The following CALN1 variants were observed in gnomAD, a reference collection of about 807,000 sequenced individuals.
CALN1 encodes calneuron 1, also known as calcium-binding protein 8.
Under a neutral mutation model 30.6 loss-of-function variants are expected in CALN1, and 17 were observed. The observed-to-expected ratio is 0.56, with a 90% CI of 0.38 to 0.83. The LOEUF is 0.83. CALN1 is among the 40% of genes least tolerant of loss of function. The probability of loss-of-function intolerance (pLI) is 0.00; values close to 1 mark genes in which losing one functional copy is unlikely to be tolerated. For synonymous variants in CALN1, 156 were observed against 131.4 expected (o/e 1.19, Z -1.28); for missense variants, 291 against 354.9 (o/e 0.82, Z 1.45).
At chr7:72,314,864 T>C (rs1280051916) in intron 2 of CALN1, among the ~76,000 whole-genome samples, 1 of 147,346 alleles carries the variant, frequency 6.8e-6, no homozygotes, top group African/African-American at 2.5e-5. Context: ...AAAAAAACTA[T>C]AGGCTGGGCA....
chr7:71,818,668 CTTATT>C (rs1176015670), intron 5 of CALN1, among the ~76,000 whole-genome samples: 5 of 145,922 alleles, frequency 3.4e-5, no homozygotes, highest in African/African-American at 1.3e-4. Flanking sequence ...CCATGACCAG[CTTATT>C]TTATTTATTT....
chr7:71,997,016 C>T (rs1049856572), intron 5 of CALN1, among the ~76,000 whole-genome samples: 1 of 151,950 alleles, frequency 6.6e-6, no homozygotes, highest in African/African-American at 2.4e-5. Context: ...TTGCTTGAGG[C>T]CAGGAGTTCA....
intron 5 of CALN1, among the ~76,000 whole-genome samples, chr7:71,893,803 T>A (rs1793387710): frequency 6.6e-6 from 1 of 152,078 alleles, no homozygotes; most frequent in Admixed American, 6.6e-5. Flanking sequence ...CCTCTGAGCC[T>A]CTTTAGTTCT....
chr7:72,049,731 C>T (rs1254917251), intron 4 of CALN1, among the ~76,000 whole-genome samples: 1 of 151,886 alleles, frequency 6.6e-6, no homozygotes. Context: ...TGGTCTCGAA[C>T]TCCTGACCTC....
At chr7:71,997,902 ACT>A (rs1799332329) in intron 5 of CALN1, among the ~76,000 whole-genome samples, 1 of 151,750 alleles carries the variant, frequency 6.6e-6, no homozygotes, top group Non-Finnish European at 1.5e-5. Context: ...CTCACTGCAA[ACT>A]CTGCCTCCAG....
intron 4 of CALN1, among the ~76,000 whole-genome samples, chr7:72,087,687 G>T (rs775259253): frequency 1.1e-4 from 16 of 152,132 alleles, no homozygotes; most frequent in Admixed American, 9.8e-4. Flanking sequence ...ATATATGTAT[G>T]AGAATATAAA....
At chr7:72,060,475 C>T (rs570548956) in intron 4 of CALN1, among the ~76,000 whole-genome samples, 36 of 152,156 alleles carry the variant, frequency 2.4e-4, no homozygotes, top group Admixed American at 3.9e-4. Flanking sequence ...GCAAAGCTAC[C>T]CCGCCATTTT....
chr7:72,109,867 T>TC (rs1807438753), intron 3 of CALN1, among the ~76,000 whole-genome samples: 1 of 147,090 alleles, frequency 6.8e-6, no homozygotes, highest in East Asian at 2.3e-4. Context: ...AGCCTCAATT[T>TC]CCCCATCTGA....
At chr7:71,996,342 C>T (rs1799251171) in intron 5 of CALN1, among the ~76,000 whole-genome samples, 1 of 152,176 alleles carries the variant, frequency 6.6e-6, no homozygotes, top group African/African-American at 2.4e-5. Context: ...TAACTGACTT[C>T]AATACTGAGA....
At chr7:71,871,231 A>G (rs998755373) in intron 5 of CALN1, among the ~76,000 whole-genome samples, 1 of 152,168 alleles carries the variant, frequency 6.6e-6, no homozygotes, top group Non-Finnish European at 1.5e-5. Context: ...CATAAATTAT[A>G]CAGGATACAT....
chr7:72,326,367 G>A (rs1340880474), intron 2 of CALN1, among the ~76,000 whole-genome samples: 1 of 152,210 alleles, frequency 6.6e-6, no homozygotes, highest in Non-Finnish European at 1.5e-5. Flanking sequence ...ACATCTCTGT[G>A]ACCTGGCTAC....
chr7:72,091,633 T>C (rs1228055279), intron 4 of CALN1, among the ~76,000 whole-genome samples: 1 of 152,216 alleles, frequency 6.6e-6, no homozygotes, highest in Non-Finnish European at 1.5e-5. Flanking sequence ...ATTGCTGGTC[T>C]GTATAGGTAG....
At chr7:72,069,662 C>T (rs939081435) in intron 4 of CALN1, among the ~76,000 whole-genome samples, 27 of 152,036 alleles carry the variant, frequency 1.8e-4, no homozygotes, top group Admixed American at 3.3e-4. Flanking sequence ...AGGATAATCT[C>T]CCCCCAAATC....
chr7:72,361,901 C>CA (rs1430214079), intron 2 of CALN1, among the ~76,000 whole-genome samples: 3 of 151,954 alleles, frequency 2.0e-5, no homozygotes, highest in African/African-American at 7.2e-5. Flanking sequence ...ATATCCATTA[C>CA]AAATCACCAA....
chr7:72,182,735 T>TG (rs960944504), intron 3 of CALN1, among the ~76,000 whole-genome samples: 8 of 60,614 alleles, frequency 1.3e-4, no homozygotes, highest in African/African-American at 3.4e-4. Flanking sequence ...AAACAAAAAA[T>TG]GAAAAAAAAA....
chr7:72,234,718 C>A (rs1427760762), intron 3 of CALN1, among the ~76,000 whole-genome samples: 3 of 152,010 alleles, frequency 2.0e-5, no homozygotes, highest in African/African-American at 7.2e-5. Context: ...AGTGGTGGGA[C>A]TACAGGCGTG....
intron 3 of CALN1, among the ~76,000 whole-genome samples, chr7:72,206,713 T>G (rs1309081722): frequency 6.6e-6 from 1 of 152,224 alleles, no homozygotes; most frequent in Non-Finnish European, 1.5e-5. Context: ...TGTTTTTAAC[T>G]ATGCCCTTTC....
chr7:71,914,762 C>G (rs894466964), intron 5 of CALN1, among the ~76,000 whole-genome samples: 1 of 151,968 alleles, frequency 6.6e-6, no homozygotes, highest in Non-Finnish European at 1.5e-5. Context: ...GATGGTGTCT[C>G]ATTGTAGTTT....
intron 4 of CALN1, among the ~76,000 whole-genome samples, chr7:72,091,840 T>C (rs567983847): frequency 1.3e-5 from 2 of 152,346 alleles, no homozygotes; most frequent in East Asian, 3.9e-4. Context: ...GAAATGTATA[T>C]TTTTAATGTG....
Sources: allele counts gnomAD v4.1 joint callset (sites outside exome capture counted in the v4.1 genomes callset), GRCh38; gene constraint gnomAD v4.1.1; transcripts MANE v1.5; gene names NCBI Gene and HGNC (gene_info 2026-07-23, HGNC 2026-07-21).